Variants in WDR37 observed in about 807,000 individuals in gnomAD.
The protein encoded by WDR37 is WD repeat-containing protein 37.
In WDR37, 19 loss-of-function variants were observed where a neutral mutation model predicts 62.9. The observed-to-expected ratio is 0.30, with a 90% CI of 0.21 to 0.44. The LOEUF (loss-of-function observed/expected upper bound fraction) is 0.44, where lower values mean the gene tolerates loss of function less well. Ranked by LOEUF, WDR37 falls within the 20% of genes least tolerant of loss-of-function variation. The probability of loss-of-function intolerance (pLI) is 1.00; values close to 1 mark genes in which losing one functional copy is unlikely to be tolerated. For synonymous variants in WDR37, 250 were observed against 260.9 expected (o/e 0.96, Z 0.40); for missense variants, 474 against 657.6 (o/e 0.72, Z 3.05).
At chr10:1,067,855 G>A (rs561970996) in intron 1 of WDR37, among the ~76,000 whole-genome samples, 1 of 152,182 alleles carries the variant, frequency 6.6e-6, no homozygotes, top group Non-Finnish European at 1.5e-5. Context: ...AAAATGTGGT[G>A]CGCACACACA....
At chr10:1,065,280 A>G (rs1224311044) in intron 1 of WDR37, among the ~76,000 whole-genome samples, 5 of 152,238 alleles carry the variant, frequency 3.3e-5, no homozygotes, top group African/African-American at 9.6e-5. Flanking sequence ...AGCATAGAGG[A>G]AAGTAAGATT....
At chr10:1,120,767 C>T (rs183063040) in intron 11 of WDR37, among the ~76,000 whole-genome samples, 3 of 152,318 alleles carry the variant, frequency 2.0e-5, no homozygotes, top group Admixed American at 6.5e-5. Flanking sequence ...CTCCCATCAG[C>T]GCTTTGTGGC....
chr10:1,069,410 A>C (rs991388650), intron 1 of WDR37, among the ~76,000 whole-genome samples: 3 of 77,980 alleles, frequency 3.8e-5, no homozygotes, highest in Non-Finnish European at 7.2e-5. Flanking sequence ...TTTTTTTTGC[A>C]GCAGGTGAAT....
intron 8 of WDR37, among the ~76,000 whole-genome samples, chr10:1,094,729 T>G (rs1834511221): frequency 6.6e-6 from 1 of 152,016 alleles, no homozygotes; most frequent in East Asian, 1.9e-4. Context: ...CTTGGAAACA[T>G]GAGGTAATGG....
intron 1 of WDR37, among the ~76,000 whole-genome samples, chr10:1,066,661 T>C (rs979105154): frequency 6.6e-6 from 1 of 152,166 alleles, no homozygotes; most frequent in Non-Finnish European, 1.5e-5. Context: ...GAGAAAGATT[T>C]AATAGGAATC....
intron 3 of WDR37, among the ~76,000 whole-genome samples, chr10:1,079,716 G>A (rs1265825910): frequency 2.0e-5 from 3 of 151,962 alleles, no homozygotes; most frequent in South Asian, 2.1e-4. Context: ...TGTATTTTCA[G>A]TAGAGACACC....
chr10:1,064,780 C>T (rs1291673493), intron 1 of WDR37, among the ~76,000 whole-genome samples: 4 of 151,702 alleles, frequency 2.6e-5, no homozygotes, highest in East Asian at 1.9e-4. Context: ...TTAGTAGAGA[C>T]GGGGTTTCAC....
At chr10:1,111,013 T>C (rs899652734) in intron 11 of WDR37, among the ~76,000 whole-genome samples, 16 of 152,238 alleles carry the variant, frequency 1.1e-4, no homozygotes, top group Non-Finnish European at 2.2e-4. Context: ...CATGTGTTCT[T>C]AGGAAGTTTG....
At chr10:1,097,166 G>C (rs953126616) in intron 9 of WDR37, among the ~76,000 whole-genome samples, 2 of 152,190 alleles carry the variant, frequency 1.3e-5, no homozygotes, top group Admixed American at 6.5e-5. Flanking sequence ...AAGGGGACGA[G>C]AACTTGTAAG....
intron 8 of WDR37, 152 bp downstream of exon 8, chr10:1,093,648 G>C: frequency 1.4e-6 from 1 of 695,798 alleles, no homozygotes; most frequent in Non-Finnish European, 2.4e-6. Context: ...AATGGATAAA[G>C]GAAAATACAT....
intron 11 of WDR37, among the ~76,000 whole-genome samples, chr10:1,111,830 A>G (rs1835225975): frequency 6.6e-6 from 1 of 152,244 alleles, no homozygotes; most frequent in African/African-American, 2.4e-5. Flanking sequence ...GTTATTAGAA[A>G]TAATAAAAAG....
At chr10:1,109,636 G>C (rs1835146593) in intron 11 of WDR37, among the ~76,000 whole-genome samples, 1 of 152,152 alleles carries the variant, frequency 6.6e-6, no homozygotes, top group Admixed American at 6.5e-5. Context: ...GCTTGAACTT[G>C]GGAGGTGGAG....
In WDR37 at chr10:1,131,019, T is replaced by C. The variant is rs922123283; in HGVS notation, c.*1675T>C. 4 of 152,272 alleles carry C rather than the reference T, an allele frequency of 2.6e-5. No individual in the cohort carries two copies. The highest frequency in any genetic ancestry group is 7.2e-5 in the African/African-American group (3 of 41,534). 9.4% of individuals were successfully genotyped at this position (152,272 alleles called of 1,614,324 possible). On this transcript the variant is annotated 3_prime_UTR_variant, in exon 14 of 14. Coordinates refer to ENST00000263150, the MANE Select transcript of WDR37 (RefSeq NM_014023.4). ...TCATTTTGATTTTACAAATAAAAAA[T>C]GTGTTGTGTTTTTGTCCGACATTAT...
intron 13 of WDR37, 54 bp from the exon 14 acceptor site, chr10:1,129,159 T>C: frequency 2.5e-6 from 4 of 1,600,914 alleles, no homozygotes; most frequent in South Asian, 2.2e-5. Flanking sequence ...TGAGGTCTTA[T>C]AATCTTACTT....
At chr10:1,122,303 G>T (rs185057874) in intron 11 of WDR37, among the ~76,000 whole-genome samples, 1 of 152,206 alleles carries the variant, frequency 6.6e-6, no homozygotes, top group South Asian at 2.1e-4. Context: ...TTATCATCTC[G>T]TAGGTATCTC....
At chr10:1,062,797 G>A (rs1477869302) in intron 1 of WDR37, among the ~76,000 whole-genome samples, 1 of 152,140 alleles carries the variant, frequency 6.6e-6, no homozygotes, top group Non-Finnish European at 1.5e-5. Context: ...TAAAACAAAT[G>A]TAAGAGTGGG....
intron 9 of WDR37, among the ~76,000 whole-genome samples, chr10:1,102,842 C>G (rs1834872686): frequency 6.6e-6 from 1 of 152,180 alleles, no homozygotes; most frequent in African/African-American, 2.4e-5. Flanking sequence ...TGTGTGGTCT[C>G]TCTCTTTTGC....
chr10:1,103,763 T>A lies in WDR37; in HGVS notation c.888T>A (p.Ala296=). The A allele has an allele frequency of 6.2e-7, 1 of 1,614,246 alleles. No individual in the cohort carries two copies. ...ACTGGCTGGTTGGGGGGAAGCAGGCTGTGACTGCCTCCTGGGACCGGACGG... is the reference window on the plus strand; with the variant it reads ...ACTGGCTGGTTGGGGGGAAGCAGGCAGTGACTGCCTCCTGGGACCGGACGG... The part of the protein sequence containing the change: ...ASDWLVGGKQ[A]VTASWDRTAN... The change falls in exon 10 of 14, where the codon GCT becomes GCA. Residue 296 remains alanine (A), a synonymous_variant. Transcript: ENST00000263150. The surrounding 1 kb of genome is among the most constrained non-coding windows in gnomAD (Gnocchi z 6.3).
chr10:1,097,205 G>A (rs890066053), intron 9 of WDR37, among the ~76,000 whole-genome samples: 9 of 152,092 alleles, frequency 5.9e-5, no homozygotes, highest in African/African-American at 2.2e-4. Flanking sequence ...CTGTGTCTGT[G>A]ACAAAAAAAA....
Sources: gnomAD v4.1 joint callset for allele counts (sites outside exome capture counted in the v4.1 genomes callset) on GRCh38, gnomAD v4.1.1 for gene constraint, Gnocchi (gnomAD v3.1) non-coding constraint, MANE v1.5 for transcripts, NCBI Gene and HGNC (gene_info 2026-07-23, HGNC 2026-07-21) for gene names.